Variants in AQP8 observed in about 807,000 individuals in gnomAD.
The protein encoded by AQP8 is aquaporin-8.
A neutral mutation model predicts 26.1 loss-of-function variants in AQP8; 14 were observed. The observed-to-expected ratio is 0.54, with a 90% CI of 0.35 to 0.84. The LOEUF (loss-of-function observed/expected upper bound fraction) is 0.84, where lower values mean the gene tolerates loss of function less well. Among genes scored for constraint, AQP8 ranks in the 40% least tolerant of loss-of-function variants. AQP8 has a pLI of 0.01. For synonymous variants in AQP8, 131 were observed against 150.7 expected (o/e 0.87, Z 0.96); for missense variants, 301 against 340.5 (o/e 0.88, Z 0.91).
Position 25,224,516 on chromosome 16 carries a change from C to A in AQP8, c.542C>A (p.Thr181Lys), listed in dbSNP as rs746275809. ...TGCATGGGTGCCATCAATGAGAAGA[C>A]AAAGGGCCCTCTGGCCCCGTTCTCC... ...AVCMGAINEK[T>K]KGPLAPFSIG... is the part of the protein sequence containing the mutation. Residue 181 changes from threonine (T) to lysine (K), a missense_variant, in exon 4 of 6, where the codon ACA becomes AAA. Transcript: ENST00000219660. 12 of 1,613,984 alleles carry A rather than the reference C, an allele frequency of 7.4e-6. No individual in the cohort carries two copies. The highest frequency in any genetic ancestry group is 1.7e-4 in the Middle Eastern group (1 of 6,006).
rs373232917 is a variant in AQP8, at chr16:25,224,392, G to T, written c.418G>T (p.Ala140Ser). The change falls in exon 4 of 6, where the codon GCA (alanine) becomes TCA (serine). Residue 140 changes from alanine to serine, a missense_variant. Transcript: ENST00000219660. ...AVSPEERFWN[A>S]SGAAFVTVQE... ...GAGTCCTGAGGAGAGGTTCTGGAAT[G>T]CATCTGGGGCGGCCTTTGTGACAGT... is the stretch of plus-strand genomic sequence containing the variant. 13 of 1,613,860 alleles carry T rather than the reference G, an allele frequency of 8.1e-6. No individual in the cohort carries two copies. In the African/African-American group the frequency reaches 1.3e-4, roughly 17 times the overall value.
Position 25,217,679 on chromosome 16 carries a change from G to A in AQP8, c.260+234G>A, listed in dbSNP as rs544636652. 1.1e-4 allele frequency among the ~76,000 whole-genome samples: 17 copies of A among 152,332 alleles called. No homozygotes were observed. In the East Asian group the frequency reaches 1.9e-3, roughly 17 times the overall value. ...AGTAGCTGGATCACAGGCATGCGCC[G>A]CAGCACCCAACTAATTTTTAAATTT... On this transcript the variant is annotated intron_variant, in intron 2 of 5. Transcript: ENST00000219660.
rs1040402361 is a variant in AQP8, at chr16:25,228,570, C to T, written c.*78C>T. 1.3e-6 allele frequency: 2 copies of T among 1,510,290 alleles called. No individual in the cohort carries two copies. The highest frequency in any genetic ancestry group is 1.8e-6 in the Non-Finnish European group (2 of 1,089,066). 93.6% of individuals were successfully genotyped at this position (1,510,290 alleles called of 1,614,324 possible). A position where few individuals can be genotyped will look rare whatever the true frequency, so the allele number is the denominator to read the frequency against. On this transcript the variant is annotated 3_prime_UTR_variant, in exon 6 of 6. Transcript: ENST00000219660. The stretch of plus-strand genomic sequence containing the variant: ...CAGACTGAGGACAGGGGAGTTCCTG[C>T]ATTTCCTGCCAGGGCAGAGGCCCAG...
chr16:25,227,305 G>A (rs1962649254), intron 5 of AQP8, 103 bp downstream of exon 5: 1 of 1,481,426 alleles, frequency 6.8e-7, no homozygotes, highest in South Asian at 1.2e-5. Flanking sequence ...GGGTTTGGAA[G>A]AGAAAAGAGG....
intron 4 of AQP8, among the ~76,000 whole-genome samples, chr16:25,225,871 A>G (rs975559366): frequency 6.6e-6 from 1 of 152,138 alleles, no homozygotes; most frequent in African/African-American, 2.4e-5. Flanking sequence ...GTGGTGCAAC[A>G]AGGGCCTCAT....
intron 5 of AQP8, 123 bp downstream of exon 5, chr16:25,227,325 T>TA (rs1250201743): frequency 1.6e-6 from 2 of 1,278,174 alleles, no homozygotes; most frequent in Non-Finnish European, 2.2e-6. Flanking sequence ...GGAGCCTCTT[T>TA]AGAGGCAAAG....
intron 3 of AQP8, among the ~76,000 whole-genome samples, 188 bp from the exon 4 acceptor site, chr16:25,224,174 T>C (rs999046919): frequency 6.6e-6 from 1 of 152,200 alleles, no homozygotes; most frequent in Non-Finnish European, 1.5e-5. Context: ...AAAGGTTCAG[T>C]AGTTCACGCA....
intron 2 of AQP8, among the ~76,000 whole-genome samples, chr16:25,221,045 C>T (rs996908585): frequency 6.6e-6 from 1 of 152,168 alleles, no homozygotes; most frequent in Admixed American, 6.5e-5. Flanking sequence ...AGCAAGACTC[C>T]GTCTCGTAAA....
chr16:25,219,615 G>T (rs1319878761), intron 2 of AQP8, among the ~76,000 whole-genome samples: 1 of 151,392 alleles, frequency 6.6e-6, no homozygotes, highest in Admixed American at 6.6e-5. Context: ...GGCTCCCCTG[G>T]GAAGCCGCCT....
chr16:25,223,316 A>G (rs966508333), intron 3 of AQP8, among the ~76,000 whole-genome samples: 2 of 152,264 alleles, frequency 1.3e-5, no homozygotes, highest in Non-Finnish European at 2.9e-5. Flanking sequence ...CTCAGGCTTC[A>G]GGGCTCTCCT....
At chr16:25,223,817 T>C (rs1962594785) in intron 3 of AQP8, among the ~76,000 whole-genome samples, 1 of 151,324 alleles carries the variant, frequency 6.6e-6, no homozygotes, top group African/African-American at 2.5e-5. Context: ...TCCCCATTTT[T>C]CTTTTTCTTT....
At chr16:25,227,577 C>A (rs188354863) in intron 5 of AQP8, among the ~76,000 whole-genome samples, 33 of 152,170 alleles carry the variant, frequency 2.2e-4, no homozygotes, top group Admixed American at 3.9e-4. Context: ...GCAACCTCCG[C>A]CCCCGGGTTC....
chr16:25,221,527 C>A lies in AQP8; in HGVS notation c.331C>A (p.Leu111Ile). ...CGGAGGCCTCAACCTGGTGATGCTC[C>A]TCCCGTACTGGGTCTCACAGCTGCT... Reference protein sequence around the residue: ...LIGGLNLVMLLPYWVSQLLGG... With the variant: ...LIGGLNLVMLIPYWVSQLLGG... Residue 111 changes from leucine to isoleucine, a missense_variant, in exon 3 of 6, where the codon CTC becomes ATC. Leu to Ile is a conservative substitution (Grantham distance 5). Coordinates refer to ENST00000219660, the MANE Select transcript of AQP8 (RefSeq NM_001169.3). The A allele has an allele frequency of 3.7e-6, 6 of 1,614,106 alleles. No individual in the cohort carries two copies. Among genetic ancestry groups the A allele is most frequent in the Non-Finnish European group, 5.1e-6 (6 of 1,180,014 alleles).
rs1962498713 is a variant in AQP8 at position 25,217,239 on chromosome 16, G to A, written c.54G>A (p.Arg18=). 5.6e-6 allele frequency: 9 copies of A among 1,614,206 alleles called. No homozygotes were observed. Among genetic ancestry groups the A allele is most frequent in the South Asian group, 1.1e-5 (1 of 91,078 alleles). Reference sequence around the variant, plus strand: ...CTGAATTTGGCAATGACAAGGCCAGGGAGCCGAGCGTGGGTGGCAGGTGGC... The same window carrying A: ...CTGAATTTGGCAATGACAAGGCCAGAGAGCCGAGCGTGGGTGGCAGGTGGC... ...CEPEFGNDKA[R]EPSVGGRWRV... The change falls in exon 2 of 6, where the codon AGG becomes AGA. Residue 18 remains arginine (R), a synonymous_variant. Transcript: ENST00000219660.
chr16:25,228,518 C>T lies in AQP8; in HGVS notation c.*26C>T, dbSNP rs372061293. The T allele has an allele frequency of 3.3e-5, 54 of 1,613,220 alleles. No individual in the cohort carries two copies. The African/African-American group carries it at 6.7e-4, about 20-fold the overall frequency. ...AGCAGAGCTCGTGGGATTCCTGCTG[C>T]TCCAGGTGTCCTCAGCTCACCTGTC... On this transcript the variant is annotated 3_prime_UTR_variant, in exon 6 of 6. Coordinates refer to ENST00000219660, the MANE Select transcript of AQP8 (RefSeq NM_001169.3).
intron 2 of AQP8, among the ~76,000 whole-genome samples, chr16:25,221,051 G>A (rs73551031): frequency 0.035 from 5,315 of 152,146 alleles, 117 homozygotes; most frequent in African/African-American, 0.05. Flanking sequence ...ACTCCGTCTC[G>A]TAAAATCAAA....
intron 3 of AQP8, among the ~76,000 whole-genome samples, chr16:25,222,062 C>A (rs935902795): frequency 6.6e-6 from 1 of 151,576 alleles, no homozygotes; most frequent in Non-Finnish European, 1.5e-5. Context: ...GCCACTGTGC[C>A]CGGCCTCTCT....
At chr16:25,222,379 T>A (rs7197271) in intron 3 of AQP8, among the ~76,000 whole-genome samples, 4,638 of 151,842 alleles carry the variant, frequency 0.031, 231 homozygotes, top group African/African-American at 0.1. Context: ...TTAAAAAAAA[T>A]TTTTTTCTGT....
chr16:25,225,372 A>G lies in AQP8; in HGVS notation c.602+796A>G, dbSNP rs141116200. ...CTTTCTCCTGGGTCAGCTCTCCCTC[A>G]ACTTTGGGAGGTGGAGCCTGGGGCA... is the stretch of plus-strand genomic sequence containing the variant. On this transcript the variant is annotated intron_variant, in intron 4 of 5. Transcript: ENST00000219660. 7.7e-3 allele frequency among the ~76,000 whole-genome samples: 1,176 copies of G among 152,104 alleles called. 9 individuals carry two copies. The highest frequency in any genetic ancestry group is 0.04 in the South Asian group (195 of 4,822).
Sources: allele counts gnomAD v4.1 joint callset (sites outside exome capture counted in the v4.1 genomes callset), GRCh38; gene constraint gnomAD v4.1.1; transcripts MANE v1.5; gene names NCBI Gene and HGNC (gene_info 2026-07-23, HGNC 2026-07-21).